TAF4B: variants seen among roughly 807,000 people sequenced by gnomAD.
TAF4B encodes transcription initiation factor TFIID subunit 4B.
In TAF4B, 38 loss-of-function variants were observed where a neutral mutation model predicts 86.4. The ratio of observed to expected loss-of-function variants is 0.44; its 90% CI spans 0.34 to 0.58. TAF4B has a LOEUF of 0.58. Among genes scored for constraint, TAF4B ranks in the 20% least tolerant of loss-of-function variants. The pLI is 0.02. For synonymous variants in TAF4B, 388 were observed against 391.2 expected (o/e 0.99, Z 0.10); for missense variants, 988 against 1,027.6 (o/e 0.96, Z 0.53).
chr18:26,246,561 T>C (rs1359871286), intron 1 of TAF4B, among the ~76,000 whole-genome samples: 1 of 151,046 alleles, frequency 6.6e-6, no homozygotes, highest in Non-Finnish European at 1.5e-5. Context: ...CTGGATGGAG[T>C]CTCACTCTGT....
intron 1 of TAF4B, among the ~76,000 whole-genome samples, chr18:26,242,031 C>CGG: frequency 6.6e-6 from 1 of 152,080 alleles, no homozygotes; most frequent in Non-Finnish European, 1.5e-5. Flanking sequence ...GGAATAAGTG[C>CGG]TACGTGGTGC....
chr18:26,234,702 T>A (rs1050284620), intron 1 of TAF4B, among the ~76,000 whole-genome samples: 6 of 152,184 alleles, frequency 3.9e-5, no homozygotes, highest in African/African-American at 1.4e-4. Flanking sequence ...GTGGCGTAAG[T>A]CTGGGTCACA....
chr18:26,330,977 C>T (rs1282293076), intron 12 of TAF4B, among the ~76,000 whole-genome samples: 1 of 152,138 alleles, frequency 6.6e-6, no homozygotes, highest in Non-Finnish European at 1.5e-5. Context: ...TGATGAGACC[C>T]CCACTCCCTC....
chr18:26,271,336 A>C (rs1300777151), intron 3 of TAF4B, among the ~76,000 whole-genome samples: 1 of 152,228 alleles, frequency 6.6e-6, no homozygotes, highest in African/African-American at 2.4e-5. Flanking sequence ...ATTGGAATCT[A>C]ATGTGCAAAT....
intron 14 of TAF4B, among the ~76,000 whole-genome samples, chr18:26,385,869 T>C (rs1235581382): frequency 2.0e-5 from 3 of 152,082 alleles, no homozygotes; most frequent in Non-Finnish European, 4.4e-5. Flanking sequence ...TGGCTGTAAG[T>C]TACCTGTGCA....
At chr18:26,243,598 A>T (rs1017859969) in intron 1 of TAF4B, among the ~76,000 whole-genome samples, 39 of 152,168 alleles carry the variant, frequency 2.6e-4, no homozygotes, top group Admixed American at 6.5e-5. Context: ...CATCAAAGTC[A>T]TTCTCCGTCC....
chr18:26,345,439 C>A (rs1009093022), intron 13 of TAF4B, among the ~76,000 whole-genome samples: 6 of 152,186 alleles, frequency 3.9e-5, no homozygotes, highest in African/African-American at 1.4e-4. Context: ...GCCCTGTAGC[C>A]CAAATCCATG....
At chr18:26,267,832 C>A (rs1424627959) in intron 3 of TAF4B, among the ~76,000 whole-genome samples, 1 of 152,172 alleles carries the variant, frequency 6.6e-6, no homozygotes, top group Non-Finnish European at 1.5e-5. Flanking sequence ...AGTTTTACTT[C>A]AGTGTATTAA....
intron 14 of TAF4B, among the ~76,000 whole-genome samples, chr18:26,387,695 A>G (rs576100147): frequency 1.6e-4 from 25 of 152,266 alleles, no homozygotes; most frequent in Non-Finnish European, 3.5e-4. Context: ...GGGCTCTGGG[A>G]TAAGTAGCCG....
Position 26,315,768 on chromosome 18 carries a change from C to T in TAF4B, c.2002+370C>T, listed in dbSNP as rs138419128. On this transcript the variant is annotated intron_variant, in intron 10 of 14. Coordinates refer to ENST00000269142, the MANE Select transcript of TAF4B (RefSeq NM_005640.3). ...TGTTTGTGTTTATGAAATACAGGGA[C>T]ATCCAAAGAAAGTAACTCCCTTTCC... 2.6e-5 allele frequency among the ~76,000 whole-genome samples: 4 copies of T among 152,090 alleles called. No homozygotes were observed. In the East Asian group the frequency reaches 7.7e-4, roughly 29 times the overall value.
intron 12 of TAF4B, among the ~76,000 whole-genome samples, chr18:26,334,452 A>G (rs574456619): frequency 2.2e-4 from 34 of 152,196 alleles, no homozygotes; most frequent in Non-Finnish European, 4.0e-4. Flanking sequence ...ACGTATCCCA[A>G]ACATGTTTTC....
intron 1 of TAF4B, among the ~76,000 whole-genome samples, chr18:26,235,155 T>G (rs2055730165): frequency 6.6e-6 from 1 of 152,154 alleles, no homozygotes; most frequent in Admixed American, 6.5e-5. Context: ...TACTAGGGCC[T>G]GCTTTAAGGT....
chr18:26,326,051 G>C (rs1027210219), intron 11 of TAF4B, among the ~76,000 whole-genome samples: 4 of 152,156 alleles, frequency 2.6e-5, no homozygotes, highest in African/African-American at 9.7e-5. Flanking sequence ...GGCACTGACT[G>C]TTGTTTAAAG....
intron 1 of TAF4B, among the ~76,000 whole-genome samples, chr18:26,261,043 G>T (rs2056157621): frequency 6.6e-6 from 1 of 151,934 alleles, no homozygotes; most frequent in Admixed American, 6.6e-5. Flanking sequence ...CCACTCCTTG[G>T]GTGTGTTACT....
chr18:26,304,466 A>T (rs1292080878), intron 9 of TAF4B, among the ~76,000 whole-genome samples: 3 of 152,242 alleles, frequency 2.0e-5, no homozygotes, highest in Non-Finnish European at 4.4e-5. Flanking sequence ...TTTTAGAAGT[A>T]AAAAATGTAG....
intron 7 of TAF4B, among the ~76,000 whole-genome samples, chr18:26,289,832 T>C (rs1598763468): frequency 6.6e-6 from 1 of 152,128 alleles, no homozygotes; most frequent in African/African-American, 2.4e-5. Context: ...TGTTCAGGAG[T>C]GTACCTCCCA....
At chr18:26,352,487 C>G (rs944956179) in intron 13 of TAF4B, among the ~76,000 whole-genome samples, 15 of 152,168 alleles carry the variant, frequency 9.9e-5, no homozygotes, top group African/African-American at 3.1e-4. Context: ...GAAGCTGGTT[C>G]TTTGATCAAC....
rs2055781536 is a variant in TAF4B, at chr18:26,238,350, T to G, written c.343+11074T>G. The stretch of plus-strand genomic sequence containing the variant: ...GAGTGATGCCTTTTGTCCTCACTTC[T>G]TATCATATGAATAGGAAGGATATAA... On this transcript the variant is annotated intron_variant, in intron 1 of 14. Coordinates refer to ENST00000269142, the MANE Select transcript of TAF4B (RefSeq NM_005640.3). 2.0e-5 allele frequency among the ~76,000 whole-genome samples: 3 copies of G among 152,104 alleles called. No homozygotes were observed. The South Asian group carries it at 6.2e-4, about 32-fold the overall frequency.
At chr18:26,239,445 T>C (rs2144454858) in intron 1 of TAF4B, among the ~76,000 whole-genome samples, 1 of 152,302 alleles carries the variant, frequency 6.6e-6, no homozygotes, top group East Asian at 1.9e-4. Context: ...TTTGTTTTTT[T>C]CTTGTAAATT....
Sources: gnomAD v4.1 joint callset for allele counts (sites outside exome capture counted in the v4.1 genomes callset) on GRCh38, gnomAD v4.1.1 for gene constraint, MANE v1.5 for transcripts, NCBI Gene and HGNC (gene_info 2026-07-23, HGNC 2026-07-21) for gene names.